Variants in NSMCE2 observed in about 807,000 individuals in gnomAD.
The protein encoded by NSMCE2 is NSE2 SUMO ligase component of SMC5/6 complex.
A neutral mutation model predicts 23.8 loss-of-function variants in NSMCE2; 24 were observed. The ratio of observed to expected loss-of-function variants is 1.01; its 90% CI spans 0.73 to 1.42. NSMCE2 has a LOEUF of 1.42. NSMCE2 is among the 40% of genes most tolerant of loss of function. The probability of loss-of-function intolerance (pLI) is 0.00; values close to 1 mark genes in which losing one functional copy is unlikely to be tolerated. For synonymous variants in NSMCE2, 92 were observed against 94.1 expected (o/e 0.98, Z 0.13); for missense variants, 284 against 296.5 (o/e 0.96, Z 0.31).
intron 5 of NSMCE2, among the ~76,000 whole-genome samples, chr8:125,339,952 C>T (rs1463347657): frequency 3.4e-5 from 5 of 149,074 alleles, no homozygotes; most frequent in Non-Finnish European, 7.4e-5. Context: ...AATAAATTTT[C>T]TTTAAATTTT....
chr8:125,283,258 G>A (rs1294275217), intron 5 of NSMCE2, among the ~76,000 whole-genome samples: 1 of 152,160 alleles, frequency 6.6e-6, no homozygotes, highest in Non-Finnish European at 1.5e-5. Context: ...TTAGAATCAG[G>A]AGATCTGGGG....
chr8:125,137,256 A>T (rs1820117832), intron 3 of NSMCE2, among the ~76,000 whole-genome samples: 1 of 152,146 alleles, frequency 6.6e-6, no homozygotes, highest in African/African-American at 2.4e-5. Context: ...AGTTAGGTAA[A>T]TAACAGAGAT....
At chr8:125,161,371 T>G (rs1821619504) in intron 4 of NSMCE2, among the ~76,000 whole-genome samples, 1 of 152,160 alleles carries the variant, frequency 6.6e-6, no homozygotes, top group African/African-American at 2.4e-5. Context: ...TGGGTTAGAG[T>G]AATGCAGTCA....
chr8:125,268,657 C>T (rs775638462), intron 5 of NSMCE2, among the ~76,000 whole-genome samples: 7 of 152,040 alleles, frequency 4.6e-5, no homozygotes, highest in Non-Finnish European at 8.8e-5. Flanking sequence ...AATGTTTCAG[C>T]AGAAACAAAA....
intron 3 of NSMCE2, among the ~76,000 whole-genome samples, chr8:125,139,863 A>G (rs576327373): frequency 6.6e-6 from 1 of 152,354 alleles, no homozygotes; most frequent in South Asian, 2.1e-4. Flanking sequence ...CCTTCTGTTC[A>G]CCTACACTTA....
At chr8:125,227,866 G>A (rs1400714035) in intron 5 of NSMCE2, among the ~76,000 whole-genome samples, 2 of 151,966 alleles carry the variant, frequency 1.3e-5, no homozygotes, top group East Asian at 3.8e-4. Flanking sequence ...GATCAGTTTA[G>A]TGTCATTTTT....
intron 3 of NSMCE2, among the ~76,000 whole-genome samples, chr8:125,107,876 A>G (rs1818541256): frequency 6.6e-6 from 1 of 152,022 alleles, no homozygotes; most frequent in Non-Finnish European, 1.5e-5. Flanking sequence ...TCTACAAAAC[A>G]TACAAAAATT....
At chr8:125,164,972 A>C (rs565768546) in intron 4 of NSMCE2, among the ~76,000 whole-genome samples, 1 of 152,350 alleles carries the variant, frequency 6.6e-6, no homozygotes, top group South Asian at 2.1e-4. Flanking sequence ...GTGAGGGATA[A>C]GTCTCCATGA....
chr8:125,256,913 ACT>A (rs1431422476), intron 5 of NSMCE2, among the ~76,000 whole-genome samples: 4 of 117,610 alleles, frequency 3.4e-5, no homozygotes, highest in African/African-American at 9.8e-5. Context: ...ACAAAGCAAG[ACT>A]CTGTGTCAAA....
chr8:125,294,808 A>G (rs1477267405), intron 5 of NSMCE2, among the ~76,000 whole-genome samples: 1 of 152,214 alleles, frequency 6.6e-6, no homozygotes, highest in African/African-American at 2.4e-5. Context: ...CGAGGCCTTT[A>G]TCTGAGCTAC....
intron 4 of NSMCE2, among the ~76,000 whole-genome samples, chr8:125,153,080 A>T (rs1363605010): frequency 6.6e-6 from 1 of 151,212 alleles, no homozygotes; most frequent in Non-Finnish European, 1.5e-5. Flanking sequence ...AAAAAAAAAA[A>T]AGAATTGAAC....
chr8:125,214,334 G>A (rs1423785950), intron 5 of NSMCE2, among the ~76,000 whole-genome samples: 1 of 152,172 alleles, frequency 6.6e-6, no homozygotes, highest in Non-Finnish European at 1.5e-5. Flanking sequence ...AATAGCAGTA[G>A]CATCCAAGGC....
At chr8:125,287,548 C>T (rs75934468) in intron 5 of NSMCE2, among the ~76,000 whole-genome samples, 338 of 152,266 alleles carry the variant, frequency 2.2e-3, no homozygotes, top group African/African-American at 7.7e-3. Context: ...CTTTCTCCTC[C>T]AGGACCTTGC....
At chr8:125,345,029 T>TAAAA (rs564327400) in intron 5 of NSMCE2, among the ~76,000 whole-genome samples, 1 of 133,278 alleles carries the variant, frequency 7.5e-6, no homozygotes, top group Non-Finnish European at 1.6e-5. Context: ...TCAACAAACT[T>TAAAA]AAAAAAAAAA....
At chr8:125,166,001 A>G (rs1821856570) in intron 4 of NSMCE2, among the ~76,000 whole-genome samples, 1 of 152,168 alleles carries the variant, frequency 6.6e-6, no homozygotes, top group African/African-American at 2.4e-5. Flanking sequence ...GAGTATTAAT[A>G]ATTTCATAAT....
At chr8:125,203,238 T>C (rs1823962834) in intron 5 of NSMCE2, among the ~76,000 whole-genome samples, 1 of 151,912 alleles carries the variant, frequency 6.6e-6, no homozygotes, top group South Asian at 2.1e-4. Flanking sequence ...ATGTTGTGTG[T>C]GTGTGTGTGT....
chr8:125,283,345 C>G (rs1372772913), intron 5 of NSMCE2, among the ~76,000 whole-genome samples: 1 of 151,938 alleles, frequency 6.6e-6, no homozygotes, highest in Non-Finnish European at 1.5e-5. Context: ...TCCAGGAGTT[C>G]AAAACCACCA....
At chr8:125,319,702 A>C (rs1489582810) in intron 5 of NSMCE2, among the ~76,000 whole-genome samples, 1 of 152,124 alleles carries the variant, frequency 6.6e-6, no homozygotes, top group Non-Finnish European at 1.5e-5. Context: ...AGTGAAAACT[A>C]CCCAAAATGA....
chr8:125,217,384 G>A (rs1824641925), intron 5 of NSMCE2, among the ~76,000 whole-genome samples: 1 of 151,576 alleles, frequency 6.6e-6, no homozygotes, highest in Admixed American at 6.6e-5. Flanking sequence ...ATTTTGAGAT[G>A]GAGTCTTGCT....
Sources: gnomAD v4.1 joint callset for allele counts (sites outside exome capture counted in the v4.1 genomes callset) on GRCh38, gnomAD v4.1.1 for gene constraint, MANE v1.5 for transcripts, NCBI Gene and HGNC (gene_info 2026-07-23, HGNC 2026-07-21) for gene names.